GABBR2: variants seen among roughly 807,000 people sequenced by gnomAD.
GABBR2 encodes G-protein coupled receptor 51.
GABBR2 carries 23 observed loss-of-function variants against 105.6 expected under a neutral mutation model. The ratio of observed to expected loss-of-function variants is 0.22; its 90% confidence interval spans 0.16 to 0.31. The LOEUF (loss-of-function observed/expected upper bound fraction) is 0.31. Ranked by LOEUF, GABBR2 falls within the 10% of genes least tolerant of loss-of-function variation. The pLI is 1.00. For synonymous variants in GABBR2, 478 were observed against 499.7 expected, an observed-to-expected ratio of 0.96 and a Z score of 0.58; for missense variants, 734 against 1,245.5, an observed-to-expected ratio of 0.59 and a Z score of 6.18.
At chr9:98,380,494 C>T (rs764079351) in intron 11 of GABBR2, among the ~76,000 whole-genome samples, 2 of 152,256 alleles carry the variant, frequency 1.3e-5, no homozygotes, top group Admixed American at 6.5e-5. Flanking sequence ...GCCGGGTCAG[C>T]TCAGCTGCCG....
intron 13 of GABBR2, among the ~76,000 whole-genome samples, chr9:98,339,141 T>C (rs960691079): frequency 1.3e-5 from 2 of 151,942 alleles, no homozygotes; most frequent in African/African-American, 4.8e-5. Context: ...GAAGGGGTGA[T>C]GGATAAAAGA....
chr9:98,437,423 AC>A (rs1825945034), intron 7 of GABBR2, among the ~76,000 whole-genome samples: 1 of 151,290 alleles, frequency 6.6e-6, no homozygotes. Flanking sequence ...CCATCCATCC[AC>A]CCACCCACCT....
At chr9:98,594,999 C>T (rs935539566) in intron 1 of GABBR2, among the ~76,000 whole-genome samples, 18 of 152,142 alleles carry the variant, frequency 1.2e-4, no homozygotes, top group Admixed American at 9.8e-4. Context: ...CACGTGCCAG[C>T]GGGGATGAGA....
chr9:98,354,241 T>C (rs1324617018), intron 13 of GABBR2, among the ~76,000 whole-genome samples: 2 of 152,258 alleles, frequency 1.3e-5, no homozygotes, highest in African/African-American at 2.4e-5. Context: ...GTTCCATTTA[T>C]AGAGCACAGG....
At chr9:98,538,854 G>A (rs747649010) in intron 3 of GABBR2, among the ~76,000 whole-genome samples, 7 of 152,206 alleles carry the variant, frequency 4.6e-5, no homozygotes, top group Non-Finnish European at 8.8e-5. Flanking sequence ...CAGCGATGCA[G>A]CCCAGACATT....
chr9:98,707,634 G>A (rs1218132261), intron 1 of GABBR2, among the ~76,000 whole-genome samples: 1 of 152,222 alleles, frequency 6.6e-6, no homozygotes, highest in Admixed American at 6.5e-5. Flanking sequence ...CTGCTAGGTC[G>A]GATGCTTCAA....
intron 1 of GABBR2, among the ~76,000 whole-genome samples, chr9:98,685,177 G>A (rs1445015271): frequency 5.9e-5 from 9 of 152,204 alleles, no homozygotes; most frequent in East Asian, 1.9e-4. Flanking sequence ...TCTGTCTCCC[G>A]TGCCGGATGA....
intron 7 of GABBR2, among the ~76,000 whole-genome samples, chr9:98,436,308 TAAATATACC>T (rs1825905905): frequency 7.6e-5 from 7 of 92,126 alleles, no homozygotes; most frequent in East Asian, 4.9e-4. Context: ...TATATACCCA[TAAATATACC>T]ATATATATAT....
chr9:98,427,474 G>C (rs2131564915), intron 7 of GABBR2, among the ~76,000 whole-genome samples: 1 of 152,272 alleles, frequency 6.6e-6, no homozygotes, highest in South Asian at 2.1e-4. Flanking sequence ...TCCCCCTTTG[G>C]ATGGTTTTAA....
chr9:98,424,336 A>T (rs1164056337), intron 7 of GABBR2, among the ~76,000 whole-genome samples: 1 of 151,892 alleles, frequency 6.6e-6, no homozygotes, highest in East Asian at 1.9e-4. Context: ...GTATCTCAAA[A>T]TAATAAGAGC....
intron 4 of GABBR2, among the ~76,000 whole-genome samples, chr9:98,485,671 G>A (rs1046406258): frequency 4.6e-5 from 7 of 152,034 alleles, no homozygotes; most frequent in African/African-American, 1.5e-4. Flanking sequence ...TAAACAGTCC[G>A]TCAGCCCCAC....
At chr9:98,658,567 C>T (rs192505308) in intron 1 of GABBR2, among the ~76,000 whole-genome samples, 91 of 152,272 alleles carry the variant, frequency 6.0e-4, no homozygotes, top group African/African-American at 2.1e-3. Context: ...CCTCCAGAGG[C>T]GGAACCAGCA....
intron 1 of GABBR2, among the ~76,000 whole-genome samples, chr9:98,651,778 CA>C (rs765895588): frequency 1.8e-4 from 27 of 152,182 alleles, no homozygotes; most frequent in Admixed American, 1.2e-3. Context: ...CAACCAATCA[CA>C]ATGTGTGGGC....
chr9:98,323,020 C>A (rs1203231117), intron 13 of GABBR2, among the ~76,000 whole-genome samples: 2 of 152,100 alleles, frequency 1.3e-5, no homozygotes, highest in Non-Finnish European at 2.9e-5. Flanking sequence ...AATCAACCAC[C>A]GCAGACACGA....
intron 3 of GABBR2, among the ~76,000 whole-genome samples, chr9:98,527,487 G>T (rs778859392): frequency 6.6e-6 from 1 of 152,086 alleles, no homozygotes; most frequent in Non-Finnish European, 1.5e-5. Flanking sequence ...GGAAAAACTA[G>T]CAGAAATAAT....
rs191646477 is a variant in GABBR2, at chr9:98,697,692, T to C, written c.321+10725A>G. On this transcript the variant is annotated intron_variant, in intron 1 of 18. Coordinates refer to ENST00000259455, the MANE Select transcript of GABBR2 (RefSeq NM_005458.8). ...TTTTCCTTTGATTATGACCATGACA[T>C]TTAGAAGCTCTCCAAGGGCTTCCCA... 1.6e-3 allele frequency among the ~76,000 whole-genome samples: 244 copies of C among 152,312 alleles called. 1 individual carries two copies. Among genetic ancestry groups the C allele is most frequent in the Non-Finnish European group, 2.2e-3 (152 of 68,028 alleles).
At chr9:98,366,240 T>C (rs2096839657) in intron 12 of GABBR2, among the ~76,000 whole-genome samples, 1 of 152,192 alleles carries the variant, frequency 6.6e-6, no homozygotes, top group African/African-American at 2.4e-5. Flanking sequence ...TAAATGTGAC[T>C]TCTGGGTTGT....
At chr9:98,532,333 G>C (rs890086332) in intron 3 of GABBR2, among the ~76,000 whole-genome samples, 1 of 152,198 alleles carries the variant, frequency 6.6e-6, no homozygotes, top group Non-Finnish European at 1.5e-5. Context: ...CAGAGAAGGA[G>C]AGGATGCTTG....
intron 5 of GABBR2, among the ~76,000 whole-genome samples, chr9:98,478,078 G>A (rs1826831580): frequency 1.3e-5 from 2 of 152,240 alleles, no homozygotes; most frequent in South Asian, 4.1e-4. Flanking sequence ...TGCTCATACT[G>A]TGCTGATGCC....
Sources: allele counts gnomAD v4.1 joint callset (sites outside exome capture counted in the v4.1 genomes callset), GRCh38; gene constraint gnomAD v4.1.1; transcripts MANE v1.5; gene names NCBI Gene and HGNC (gene_info 2026-07-23, HGNC 2026-07-21).